The following DRC11 variants were observed in gnomAD, a reference collection of about 807,000 sequenced individuals.
The protein encoded by DRC11 is IQ and AAA domain-containing protein 1.
At chr2:236,351,222 C>T in the DRC11 span, among the ~76,000 whole-genome samples, 1 of 152,114 alleles carries the variant, frequency 6.6e-6, no homozygotes, top group Non-Finnish European at 1.5e-5. This position sits in a 1 kb window ranked among gnomAD's most constrained non-coding sequence, Gnocchi z 7.3. Context: ...CAGGAGCCCA[C>T]CTGTGGTAAG....
chr2:236,380,320 AT>A, the DRC11 span, among the ~76,000 whole-genome samples: 1 of 152,238 alleles, frequency 6.6e-6, no homozygotes, highest in South Asian at 2.1e-4. The surrounding 1 kb of genome is among the most constrained non-coding windows in gnomAD (Gnocchi z 4.9). Context: ...TAAACAAAAA[AT>A]TCCATGAATT....
At chr2:236,432,845 A>C in the DRC11 span, among the ~76,000 whole-genome samples, 1 of 151,750 alleles carries the variant, frequency 6.6e-6, no homozygotes, top group Non-Finnish European at 1.5e-5. Context: ...TCCCATTCTG[A>C]GGTTATGACA....
chr2:236,399,772 T>C, the DRC11 span, among the ~76,000 whole-genome samples: 2 of 152,178 alleles, frequency 1.3e-5, no homozygotes, highest in Non-Finnish European at 2.9e-5. This position sits in a 1 kb window ranked among gnomAD's most constrained non-coding sequence, Gnocchi z 7.0. Context: ...CTTTTTTGAT[T>C]AAAAAACTTT....
At chr2:236,391,871 C>G in the DRC11 span, 1 of 893,524 alleles carries the variant, frequency 1.1e-6, no homozygotes, top group South Asian at 1.4e-5. This position sits in a 1 kb window ranked among gnomAD's most constrained non-coding sequence, Gnocchi z 4.5. Flanking sequence ...GTGAGGTGTC[C>G]TGGCAACAGG....
At chr2:236,425,317 A>T in the DRC11 span, among the ~76,000 whole-genome samples, 2 of 151,882 alleles carry the variant, frequency 1.3e-5, no homozygotes, top group Non-Finnish European at 2.9e-5. Flanking sequence ...CCTTGCCAAC[A>T]TTTGTTGTCT....
the DRC11 span, among the ~76,000 whole-genome samples, chr2:236,448,536 A>G: frequency 1.2e-4 from 18 of 152,062 alleles, no homozygotes; most frequent in Admixed American, 5.9e-4. This position sits in a 1 kb window ranked among gnomAD's most constrained non-coding sequence, Gnocchi z 5.3. Context: ...GGGTCTCACC[A>G]TGTTGCCCAG....
At chr2:236,357,451 T>C in the DRC11 span, among the ~76,000 whole-genome samples, 4 of 126,454 alleles carry the variant, frequency 3.2e-5, no homozygotes, top group South Asian at 9.4e-4. Flanking sequence ...TATTTATAAA[T>C]TATATATATT....
chr2:236,415,619 C>T, the DRC11 span, among the ~76,000 whole-genome samples: 1 of 152,106 alleles, frequency 6.6e-6, no homozygotes, highest in South Asian at 2.1e-4. The surrounding 1 kb of genome is among the most constrained non-coding windows in gnomAD (Gnocchi z 5.7). Flanking sequence ...TCATGAAAAA[C>T]TTCATTTCTG....
chr2:236,357,562 A>G, the DRC11 span, among the ~76,000 whole-genome samples: 11 of 125,760 alleles, frequency 8.7e-5, no homozygotes, highest in Non-Finnish European at 1.4e-4. Flanking sequence ...ACATATTTAC[A>G]TATATGCATA....
the DRC11 span, among the ~76,000 whole-genome samples, chr2:236,354,320 T>C: frequency 1.2e-5 from 1 of 81,134 alleles, no homozygotes; most frequent in Non-Finnish European, 2.7e-5. Context: ...TGTGTGCATG[T>C]GTGTGAGTGT....
At chr2:236,426,855 T>C in the DRC11 span, among the ~76,000 whole-genome samples, 2 of 152,236 alleles carry the variant, frequency 1.3e-5, no homozygotes, top group African/African-American at 4.8e-5. This position sits in a 1 kb window ranked among gnomAD's most constrained non-coding sequence, Gnocchi z 4.1. Flanking sequence ...TGGGCATCCT[T>C]ATCTTGTGCA....
the DRC11 span, among the ~76,000 whole-genome samples, chr2:236,322,229 C>CTTTTT: frequency 1.6e-4 from 16 of 98,522 alleles, no homozygotes; most frequent in African/African-American, 3.8e-4. Context: ...TTTCTTTCCT[C>CTTTTT]TTTTTTTTTT....
chr2:236,488,329 A>G, the DRC11 span: 1 of 535,584 alleles, frequency 1.9e-6, no homozygotes, highest in Non-Finnish European at 3.1e-6. Context: ...GAACCGCTGA[A>G]CACTGTTCAT....
the DRC11 span, among the ~76,000 whole-genome samples, chr2:236,467,033 A>G: frequency 4.7e-3 from 712 of 152,288 alleles, 6 homozygotes; most frequent in African/African-American, 0.016. Flanking sequence ...TAGAGTTTCC[A>G]GTTCCTTTTT....
the DRC11 span, among the ~76,000 whole-genome samples, chr2:236,386,696 T>C: frequency 1.3e-5 from 2 of 150,508 alleles, no homozygotes; most frequent in African/African-American, 2.4e-5. Context: ...ATTTCTTGCC[T>C]TCTGCTAGCT....
the DRC11 span, chr2:236,399,324 G>A: frequency 0.2 from 197,591 of 1,005,612 alleles, 21,750 homozygotes; most frequent in Middle Eastern, 0.24. This position sits in a 1 kb window ranked among gnomAD's most constrained non-coding sequence, Gnocchi z 7.0. Context: ...AGAATGTCTC[G>A]GTTGTGAGTG....
At chr2:236,498,303 A>G in the DRC11 span, among the ~76,000 whole-genome samples, 1 of 151,156 alleles carries the variant, frequency 6.6e-6, no homozygotes, top group Non-Finnish European at 1.5e-5. Flanking sequence ...TAAAATACAA[A>G]AAAAAAAAAA....
chr2:236,369,964 G>A, the DRC11 span, among the ~76,000 whole-genome samples: 4 of 152,236 alleles, frequency 2.6e-5, no homozygotes, highest in African/African-American at 9.6e-5. This position sits in a 1 kb window ranked among gnomAD's most constrained non-coding sequence, Gnocchi z 4.5. Flanking sequence ...TGCACGACAG[G>A]TGGAATCGAA....
chr2:236,337,219 C>T, the DRC11 span, among the ~76,000 whole-genome samples: 1 of 152,194 alleles, frequency 6.6e-6, no homozygotes, highest in African/African-American at 2.4e-5. This position sits in a 1 kb window ranked among gnomAD's most constrained non-coding sequence, Gnocchi z 4.9. Flanking sequence ...CAGCTCTGCC[C>T]AGACAACCCT....
Sources: allele counts gnomAD v4.1 joint callset (sites outside exome capture counted in the v4.1 genomes callset), GRCh38; gene constraint gnomAD v4.1.1; non-coding constraint Gnocchi (gnomAD v3.1); transcripts MANE v1.5; gene names NCBI Gene and HGNC (gene_info 2026-07-23, HGNC 2026-07-21).